Variants in OVCH2 observed in about 807,000 individuals in gnomAD.
The protein encoded by OVCH2 is ovochymase-2.
Under a neutral mutation model 73.7 loss-of-function variants are expected in OVCH2, and 88 were observed. That is an observed-to-expected ratio of 1.19 (90% CI 1.01 to 1.43). The LOEUF (loss-of-function observed/expected upper bound fraction) is 1.43, where lower values mean the gene tolerates loss of function less well. OVCH2 is among the 40% of genes most tolerant of loss of function. OVCH2 has a pLI of 0.00. For synonymous variants in OVCH2, 265 were observed against 234.5 expected, an observed-to-expected ratio of 1.13 and a Z score of -1.19; for missense variants, 706 against 674.5, an observed-to-expected ratio of 1.05 and a Z score of -0.52.
intron 12 of OVCH2, among the ~76,000 whole-genome samples, chr11:7,694,659 C>G (rs182331893): frequency 5.9e-5 from 9 of 151,936 alleles, no homozygotes; most frequent in African/African-American, 2.2e-4. Flanking sequence ...CTCTTGTAGC[C>G]CAGGCTGGAG....
rs1289405464 is a variant in OVCH2, at chr11:7,691,359, G to A, written c.1549C>T (p.Pro517Ser). ...GYDVPTPVLS[P>S]SSIMLISFQS... is the part of the protein sequence containing the mutation. ...AAGCTGATGAGCATGATGCTGGAGG[G>A]GCTCAGCACAGGGGTGGGGACATCA... is the stretch of plus-strand genomic sequence containing the variant. The change falls in exon 14 of 16, where the codon CCC (proline) becomes TCC (serine). Residue 517 changes from proline (P) to serine (S), a missense_variant. Coordinates refer to ENST00000533663, the MANE Select transcript of OVCH2 (RefSeq NM_198185.7). The A allele has an allele frequency of 4.3e-6, 7 of 1,613,752 alleles. No homozygotes were observed. In the Admixed American group the frequency reaches 1.0e-4, roughly 23 times the overall value.
At position 7,706,475 on chromosome 11, in the gene OVCH2, A is replaced by G; in HGVS notation, c.-81T>C. 1 of 1,487,504 alleles carries G rather than the reference A, an allele frequency of 6.7e-7. No homozygotes were observed. The highest frequency in any genetic ancestry group is 8.9e-7 in the Non-Finnish European group (1 of 1,123,862). The allele number at this position is 1,487,504 out of a possible 1,614,324, so 92.1% of individuals were successfully genotyped here. A position where few individuals can be genotyped will look rare whatever the true frequency, so the allele number is the denominator to read the frequency against. Reference sequence around the variant, plus strand: ...AGGAAGCCTTGAGAGACCAGCAATAAGCCAATTTAAAACAAGTTTATTCAT... The same window carrying G: ...AGGAAGCCTTGAGAGACCAGCAATAGGCCAATTTAAAACAAGTTTATTCAT... On this transcript the variant is annotated 5_prime_UTR_variant, in exon 1 of 16. Transcript: ENST00000533663.
downstream of OVCH2, among the ~76,000 whole-genome samples, chr11:7,688,818 G>A (rs1856170835): frequency 6.6e-6 from 1 of 152,194 alleles, no homozygotes; most frequent in South Asian, 2.1e-4. Flanking sequence ...AACAGGGAAA[G>A]CCCAGAACTT....
chr11:7,680,698 C>G, the OVCH2 span, among the ~76,000 whole-genome samples: 10 of 152,328 alleles, frequency 6.6e-5, no homozygotes, highest in East Asian at 1.9e-3. Flanking sequence ...GACACATTGA[C>G]TTTAGCCCTG....
chr11:7,691,859 CCA>C, intron 13 of OVCH2, 41 bp downstream of exon 13: 1 of 1,468,748 alleles, frequency 6.8e-7, no homozygotes, highest in Non-Finnish European at 9.3e-7. Flanking sequence ...AAGACTGGGT[CCA>C]AACACAAACC....
chr11:7,704,757 G>T, intron 1 of OVCH2, 83 bp from the exon 2 acceptor site: 1 of 882,354 alleles, frequency 1.1e-6, no homozygotes, highest in Non-Finnish European at 1.8e-6. Context: ...CCATGAAACT[G>T]AGTCTGAGAC....
chr11:7,702,447 G>T, intron 3 of OVCH2, 118 bp from the exon 4 acceptor site: 2 of 768,882 alleles, frequency 2.6e-6, no homozygotes, highest in Non-Finnish European at 4.0e-6. Flanking sequence ...GTGTGAGGCT[G>T]CTGAGCAGAG....
intron 11 of OVCH2, 136 bp from the exon 12 acceptor site, chr11:7,695,324 G>A: frequency 8.9e-7 from 1 of 1,124,866 alleles, no homozygotes; most frequent in Non-Finnish European, 1.2e-6. Flanking sequence ...AAGACGTAGT[G>A]CATGATTCTC....
At chr11:7,690,828 C>G (rs1856206423) in intron 14 of OVCH2, among the ~76,000 whole-genome samples, 1 of 151,920 alleles carries the variant, frequency 6.6e-6, no homozygotes, top group East Asian at 1.9e-4. Context: ...TAAAATGGCC[C>G]CAAGCATAGT....
chr11:7,703,377 C>T (rs1264464735), intron 3 of OVCH2, among the ~76,000 whole-genome samples: 14 of 152,094 alleles, frequency 9.2e-5, no homozygotes. Context: ...TATTTTTTCA[C>T]TGAAATTTAA....
chr11:7,691,873 G>C, intron 13 of OVCH2, 29 bp downstream of exon 13: 1 of 1,522,322 alleles, frequency 6.6e-7, no homozygotes, highest in Non-Finnish European at 8.9e-7. Flanking sequence ...ACACAAACCA[G>C]AGCGAGCTGA....
chr11:7,696,933 C>T, intron 8 of OVCH2, 134 bp from the exon 9 acceptor site: 1 of 785,406 alleles, frequency 1.3e-6, no homozygotes. Flanking sequence ...AAATCTTCTC[C>T]TGTCTTTGCT....
In OVCH2 at chr11:7,690,161, G is replaced by T. The variant is rs941947604; in HGVS notation, c.1640-148C>A. ...ATAGGTATTTCAAATGAGGAGTGGG[G>T]CATTTTAACTATAACCTGGCTTTGC... is the stretch of plus-strand genomic sequence containing the variant. On this transcript the variant is annotated intron_variant, in intron 14 of 15. Transcript: ENST00000533663. 3.4e-5 allele frequency: 20 copies of T among 593,476 alleles called. 1 individual carries two copies. Among genetic ancestry groups the T allele is most frequent in the Admixed American group, 2.7e-4 (9 of 33,826 alleles). The allele number at this position is 593,476 out of a possible 1,614,324, so 36.8% of individuals were successfully genotyped here.
At chr11:7,705,951 A>T (rs1017189634) in intron 1 of OVCH2, among the ~76,000 whole-genome samples, 1 of 152,196 alleles carries the variant, frequency 6.6e-6, no homozygotes, top group Non-Finnish European at 1.5e-5. Flanking sequence ...TTTGTAAAAG[A>T]TTAAAAATGC....
Position 7,696,795 on chromosome 11 carries a change from C to A in OVCH2, c.930G>T (p.Trp310Cys), listed in dbSNP as rs766054684. 2 of 1,607,274 alleles carry A rather than the reference C, an allele frequency of 1.2e-6. No individual in the cohort carries two copies. Among genetic ancestry groups the A allele is most frequent in the African/African-American group, 2.7e-5 (2 of 74,916 alleles). ...TGACTATGACATCCTGCTCACTGCACCAGGCTGGGAGGGAAAGCCAGGAGA... is the reference window on the plus strand; with the variant it reads ...TGACTATGACATCCTGCTCACTGCAACAGGCTGGGAGGGAAAGCCAGGAGA... ...TGNRRKSSRA[W>C]CSEQDVIVSG... Residue 310 changes from tryptophan to cysteine, a missense_variant, in exon 9 of 16, where the codon TGG becomes TGT. Transcript: ENST00000533663.
At chr11:7,694,973 C>A in intron 12 of OVCH2, 85 bp downstream of exon 12, 1 of 1,440,954 alleles carries the variant, frequency 6.9e-7, no homozygotes, top group South Asian at 1.3e-5. Context: ...GTGAATAAAT[C>A]AGATAAAACC....
chr11:7,689,934 G>A lies in OVCH2; in HGVS notation c.*21C>T, dbSNP rs1375255164. On this transcript the variant is annotated 3_prime_UTR_variant, in exon 15 of 16. Coordinates refer to ENST00000533663, the MANE Select transcript of OVCH2 (RefSeq NM_198185.7). Reference sequence around the variant, plus strand: ...CCCAAAACAGCTTACCAGAAACATTGGTTTCTCCATTTGGCACATCTCATG... The same window carrying A: ...CCCAAAACAGCTTACCAGAAACATTAGTTTCTCCATTTGGCACATCTCATG... 1.3e-6 allele frequency: 2 copies of A among 1,502,082 alleles called. No homozygotes were observed. The highest frequency in any genetic ancestry group is 1.2e-5 in the South Asian group (1 of 83,430). The allele number at this position is 1,502,082 out of a possible 1,614,324, so 93.0% of individuals were successfully genotyped here.
downstream of OVCH2, among the ~76,000 whole-genome samples, chr11:7,685,372 G>A (rs1369569617): frequency 6.6e-6 from 1 of 152,176 alleles, no homozygotes; most frequent in Non-Finnish European, 1.5e-5. Flanking sequence ...GTGGGCACAT[G>A]AATAAGTGGA....
chr11:7,704,356 A>T (rs530765320), intron 2 of OVCH2, among the ~76,000 whole-genome samples: 20 of 152,230 alleles, frequency 1.3e-4, no homozygotes, highest in African/African-American at 4.8e-4. Context: ...TGCTTATCCT[A>T]TTTGTGATAC....
Sources: allele counts gnomAD v4.1 joint callset (sites outside exome capture counted in the v4.1 genomes callset), GRCh38; gene constraint gnomAD v4.1.1; transcripts MANE v1.5; gene names NCBI Gene and HGNC (gene_info 2026-07-23, HGNC 2026-07-21).